The following RALYL variants were observed in gnomAD, a reference collection of about 807,000 sequenced individuals.
RALYL encodes the protein RNA-binding Raly-like protein.
Under a neutral mutation model 35.1 loss-of-function variants are expected in RALYL, and 29 were observed. The ratio of observed to expected loss-of-function variants is 0.83; its 90% CI spans 0.61 to 1.13. The LOEUF is 1.13. RALYL is among the 50% of genes most tolerant of loss of function. The pLI is 0.00. For missense variants in RALYL, 359 were observed against 360.4 expected (o/e 1.00, Z 0.03); for synonymous variants, 120 against 127.6 (o/e 0.94, Z 0.40).
At chr8:84,776,670 C>A (rs960187739) in intron 3 of RALYL, among the ~76,000 whole-genome samples, 6 of 151,364 alleles carry the variant, frequency 4.0e-5, no homozygotes, top group Admixed American at 3.9e-4. Flanking sequence ...TTTTTTTTAT[C>A]ATCAAAGAGT....
intron 2 of RALYL, among the ~76,000 whole-genome samples, chr8:84,556,578 T>A (rs758002766): frequency 1.4e-4 from 22 of 152,218 alleles, no homozygotes; most frequent in Non-Finnish European, 2.6e-4. Context: ...GTAATTTTTA[T>A]AACATTGGTC....
At chr8:84,389,118 G>C (rs1345561169) in intron 1 of RALYL, among the ~76,000 whole-genome samples, 1 of 152,060 alleles carries the variant, frequency 6.6e-6, no homozygotes, top group Admixed American at 6.6e-5. Context: ...CCCATTGCTT[G>C]TTTTTCTCAG....
intron 2 of RALYL, among the ~76,000 whole-genome samples, chr8:84,699,021 GAT>G (rs1839707698): frequency 2.6e-5 from 4 of 151,310 alleles, no homozygotes; most frequent in African/African-American, 9.7e-5. Context: ...TAGATAGATA[GAT>G]AGATAGATAG....
rs150728708 is a variant in RALYL, at chr8:84,742,370, G to A, written c.257-32209G>A. Reference sequence around the variant, plus strand: ...ATAAAAAAGCTATTAGCAAATATTAGACAATTGCAAGTGTTACAAATAAAC... The same window carrying A: ...ATAAAAAAGCTATTAGCAAATATTAAACAATTGCAAGTGTTACAAATAAAC... On this transcript the variant is annotated intron_variant, in intron 2 of 8. Coordinates refer to ENST00000521268, the MANE Select transcript of RALYL (RefSeq NM_173848.7). Among the ~76,000 whole-genome samples the A allele has an allele frequency of 2.0e-3, 305 of 151,986 alleles. 1 individual carries two copies. The highest frequency in any genetic ancestry group is 7.1e-3 in the African/African-American group (295 of 41,482).
At chr8:84,616,709 G>A (rs1157931843) in intron 2 of RALYL, among the ~76,000 whole-genome samples, 7 of 151,254 alleles carry the variant, frequency 4.6e-5, no homozygotes, top group Non-Finnish European at 1.0e-4. Flanking sequence ...TTCTTCTAGG[G>A]TTTTTATGGT....
chr8:84,618,328 G>T (rs935922418), intron 2 of RALYL, among the ~76,000 whole-genome samples: 3 of 151,772 alleles, frequency 2.0e-5, no homozygotes, highest in Non-Finnish European at 4.4e-5. Context: ...TTGGGAGGGT[G>T]TATGTGTCGA....
chr8:84,635,228 C>T (rs559548731), intron 2 of RALYL, among the ~76,000 whole-genome samples: 3 of 151,468 alleles, frequency 2.0e-5, no homozygotes, highest in Non-Finnish European at 3.0e-5. Context: ...CATGAAAAAG[C>T]GAAACAATAT....
At chr8:84,595,400 C>A (rs1474522538) in intron 2 of RALYL, among the ~76,000 whole-genome samples, 1 of 152,074 alleles carries the variant, frequency 6.6e-6, no homozygotes, top group Non-Finnish European at 1.5e-5. Flanking sequence ...TCACAAAGTA[C>A]TGGAATATTT....
chr8:84,444,901 A>C (rs911510167), intron 1 of RALYL, among the ~76,000 whole-genome samples: 2 of 152,154 alleles, frequency 1.3e-5, no homozygotes, highest in African/African-American at 4.8e-5. Flanking sequence ...GATGTATGCT[A>C]TTCTTTTGAG....
chr8:84,459,409 T>C (rs150409214), intron 1 of RALYL, among the ~76,000 whole-genome samples: 182 of 151,858 alleles, frequency 1.2e-3, no homozygotes, highest in African/African-American at 3.9e-3. Context: ...CAGGGAATTG[T>C]GTGGGAGTGT....
intron 8 of RALYL, among the ~76,000 whole-genome samples, chr8:84,888,906 C>A (rs960411901): frequency 3.9e-5 from 6 of 152,060 alleles, no homozygotes; most frequent in African/African-American, 1.2e-4. Context: ...CCTGCCACCA[C>A]ATCCAGCTAA....
At chr8:84,848,206 A>T (rs1835048211) in intron 4 of RALYL, among the ~76,000 whole-genome samples, 1 of 152,178 alleles carries the variant, frequency 6.6e-6, no homozygotes, top group Non-Finnish European at 1.5e-5. Context: ...ACCAGTGCTC[A>T]TAGAAACACT....
chr8:84,417,712 A>AT (rs2044883143), intron 1 of RALYL, among the ~76,000 whole-genome samples: 1 of 151,992 alleles, frequency 6.6e-6, no homozygotes, highest in South Asian at 2.1e-4. Flanking sequence ...TCCTAGTGTT[A>AT]TATCAGGGAC....
intron 2 of RALYL, among the ~76,000 whole-genome samples, chr8:84,677,327 G>T (rs1380050302): frequency 6.6e-6 from 1 of 152,130 alleles, no homozygotes; most frequent in Non-Finnish European, 1.5e-5. Flanking sequence ...GAATAACATG[G>T]TTCAGATATT....
At chr8:84,719,687 C>A (rs1044607844) in intron 2 of RALYL, among the ~76,000 whole-genome samples, 25 of 152,102 alleles carry the variant, frequency 1.6e-4, no homozygotes, top group African/African-American at 6.0e-4. Flanking sequence ...AAAAATTGTA[C>A]ATATTTATGG....
intron 1 of RALYL, among the ~76,000 whole-genome samples, chr8:84,453,828 G>C (rs1194084293): frequency 6.6e-6 from 1 of 151,962 alleles, no homozygotes; most frequent in African/African-American, 2.4e-5. Context: ...AGAGCATGTA[G>C]GTAGAAGCAG....
chr8:84,185,045 C>T, intron 1 of RALYL: 1 of 1,612,308 alleles, frequency 6.2e-7, no homozygotes, highest in Non-Finnish European at 8.5e-7. Context: ...TTTGCTTTAC[C>T]AAAGGGCTTT....
In RALYL at chr8:84,352,199, T is replaced by C. The variant is rs533360540; in HGVS notation, c.-24+167775T>C. ...CAATTTGCTATTTCAGTGCTAGTAATATAAATCCATTGCTAAATCCAGAGG... is the reference window on the plus strand; with the variant it reads ...CAATTTGCTATTTCAGTGCTAGTAACATAAATCCATTGCTAAATCCAGAGG... On this transcript the variant is annotated intron_variant, in intron 1 of 8. Transcript: ENST00000521268. 2.7e-5 allele frequency among the ~76,000 whole-genome samples: 4 copies of C among 150,504 alleles called. 1 individual carries two copies. Among genetic ancestry groups the C allele is most frequent in the African/African-American group, 9.9e-5 (4 of 40,560 alleles).
chr8:84,198,812 G>A (rs1338289000), intron 1 of RALYL, among the ~76,000 whole-genome samples: 1 of 152,120 alleles, frequency 6.6e-6, no homozygotes, highest in Non-Finnish European at 1.5e-5. Context: ...CCATGTTGTT[G>A]CAAATGACAG....
Sources: gnomAD v4.1 joint callset for allele counts (sites outside exome capture counted in the v4.1 genomes callset) on GRCh38, gnomAD v4.1.1 for gene constraint, MANE v1.5 for transcripts, NCBI Gene and HGNC (gene_info 2026-07-23, HGNC 2026-07-21) for gene names.